The following KDM7A variants were observed in gnomAD, a reference collection of about 807,000 sequenced individuals.
KDM7A encodes the protein lysine demethylase 7A.
In KDM7A, 28 loss-of-function variants were observed where a neutral mutation model predicts 114.8. That is an observed-to-expected ratio of 0.24 (90% CI 0.18 to 0.33). The LOEUF (loss-of-function observed/expected upper bound fraction) is 0.33. Among genes scored for constraint, KDM7A ranks in the 10% least tolerant of loss-of-function variants. The pLI is 1.00. For missense variants in KDM7A, 942 were observed against 1,142.5 expected (o/e 0.82, Z 2.53); for synonymous variants, 423 against 397.8 (o/e 1.06, Z -0.75).
chr7:140,110,084 A>G (rs915579774), intron 11 of KDM7A, among the ~76,000 whole-genome samples: 10 of 152,110 alleles, frequency 6.6e-5, no homozygotes, highest in Non-Finnish European at 1.5e-4. Context: ...TTACTCTTCC[A>G]AGTGTATTTT....
chr7:140,153,502 A>G (rs1226762507), intron 1 of KDM7A, among the ~76,000 whole-genome samples: 1 of 152,036 alleles, frequency 6.6e-6, no homozygotes, highest in African/African-American at 2.4e-5. Flanking sequence ...AAAAAAAAAA[A>G]AAAGTAATCA....
chr7:140,150,035 G>A (rs1794382310), intron 1 of KDM7A, among the ~76,000 whole-genome samples: 1 of 152,086 alleles, frequency 6.6e-6, no homozygotes, highest in African/African-American at 2.4e-5. Flanking sequence ...CAAGTTTTAT[G>A]GTGTAATTTA....
rs1448163228 is a variant in KDM7A at position 140,124,781 on chromosome 7, A to G, written c.891T>C (p.Gly297=). The part of the protein sequence containing the change: ...GTSVWYHVLW[G]EKIFYLIKPT... ...GCTTTATTAAATAAAAAATCTTCTC[A>G]CCCTAAAAGGAAGTATCATACTATT... The change falls in exon 7 of 20, where the codon GGT becomes GGC. Residue 297 remains glycine, a splice_region_variant and synonymous_variant. Coordinates refer to ENST00000397560, the MANE Select transcript of KDM7A (RefSeq NM_030647.2). The G allele has an allele frequency of 6.3e-7, 1 of 1,596,896 alleles. No individual in the cohort carries two copies. Among genetic ancestry groups the G allele is most frequent in the African/African-American group, 1.3e-5 (1 of 74,248 alleles).
rs34994852 is a variant in KDM7A, at chr7:140,140,343, G to A, written c.195-1153C>T. On this transcript the variant is annotated intron_variant, in intron 1 of 19. Transcript: ENST00000397560. ...TTAAAAAGATTCAGGACAAGTATTT[G>A]ATAAAATTCAACATTTATGTTTGAT... 6.8e-3 allele frequency among the ~76,000 whole-genome samples: 1,040 copies of A among 152,262 alleles called. 4 individuals are homozygous for A. Among genetic ancestry groups the A allele is most frequent in the Non-Finnish European group, 0.011 (725 of 68,004 alleles).
chr7:140,119,243 TA>T (rs1297709743), intron 8 of KDM7A, 24 bp from the exon 9 acceptor site: 2 of 1,265,002 alleles, frequency 1.6e-6, no homozygotes, highest in East Asian at 4.7e-5. Flanking sequence ...AAGAAATTTT[TA>T]ATATTAATAT....
rs746091007 is a variant in KDM7A at position 140,092,017 on chromosome 7, C to T, written c.2518G>A (p.Val840Ile). 1 of 1,614,042 alleles carries T rather than the reference C, an allele frequency of 6.2e-7. No homozygotes were observed. Among genetic ancestry groups the T allele is most frequent in the Admixed American group, 1.7e-5 (1 of 60,020 alleles). ...KEGSSEISQRVQSRNYVDSSG... is the reference protein window; with the variant it reads ...KEGSSEISQRIQSRNYVDSSG... Reference sequence around the variant, plus strand: ...CTGTCCACATAATTCCTACTTTGTACCCTCTGACTAATTTCTGATGAACCT... The same window carrying T: ...CTGTCCACATAATTCCTACTTTGTATCCTCTGACTAATTTCTGATGAACCT... The change falls in exon 19 of 20, where the codon GTA (valine) becomes ATA (isoleucine). Residue 840 changes from valine (V) to isoleucine (I), a missense_variant. Val to Ile is a conservative substitution (Grantham distance 29). Coordinates refer to ENST00000397560, the MANE Select transcript of KDM7A (RefSeq NM_030647.2).
intron 12 of KDM7A, 99 bp from the exon 13 acceptor site, chr7:140,100,122 A>C: frequency 7.7e-7 from 1 of 1,304,736 alleles, no homozygotes; most frequent in Non-Finnish European, 1.1e-6. Flanking sequence ...ATGGTCCTGC[A>C]TCTCAAAGAT....
At chr7:140,099,130 T>C (rs1156956082) in intron 13 of KDM7A, 97 bp from the exon 14 acceptor site, 2 of 901,206 alleles carry the variant, frequency 2.2e-6, no homozygotes, top group African/African-American at 1.7e-5. Context: ...GAGTAGAGAA[T>C]TGAGACACTG....
At chr7:140,154,647 T>C (rs777864865) in intron 1 of KDM7A, among the ~76,000 whole-genome samples, 17 of 152,090 alleles carry the variant, frequency 1.1e-4, no homozygotes, top group Non-Finnish European at 2.1e-4. Flanking sequence ...TACTTCTCAG[T>C]GAATTTAACA....
chr7:140,096,580 A>G lies in KDM7A; in HGVS notation c.2349T>C (p.Tyr783=). Reference sequence around the variant, plus strand: ...CACATTCCACTGGTTTATCATAGCGATACAACTGCCTAACCTCATGGTTAC... The same window carrying G: ...CACATTCCACTGGTTTATCATAGCGGTACAACTGCCTAACCTCATGGTTAC... The part of the protein sequence containing the change: ...HGSNHEVRQL[Y]RYDKPVECGY... Residue 783 remains tyrosine (Y), a synonymous_variant, in exon 17 of 20, where the codon TAT becomes TAC. Transcript: ENST00000397560. The G allele has an allele frequency of 6.2e-7, 1 of 1,614,162 alleles. No individual in the cohort carries two copies. Among genetic ancestry groups the G allele is most frequent in the South Asian group, 1.1e-5 (1 of 91,088 alleles).
chr7:140,092,562 C>T (rs907068731), intron 18 of KDM7A, among the ~76,000 whole-genome samples: 14 of 152,170 alleles, frequency 9.2e-5, no homozygotes, highest in Non-Finnish European at 1.5e-4. Context: ...TTCACTACAA[C>T]TACTCTTTCA....
chr7:140,129,369 G>A (rs1818752557), intron 4 of KDM7A, 124 bp downstream of exon 4: 1 of 777,412 alleles, frequency 1.3e-6, no homozygotes, highest in South Asian at 1.6e-5. Flanking sequence ...AGATGATACT[G>A]AGCCTCACTT....
At chr7:140,141,821 G>A (rs1416198324) in intron 1 of KDM7A, among the ~76,000 whole-genome samples, 3 of 151,376 alleles carry the variant, frequency 2.0e-5, no homozygotes, top group African/African-American at 7.3e-5. Context: ...TTGAACCCAG[G>A]ACGTGGAGGT....
rs1817945922 is a variant in KDM7A at position 140,087,444 on chromosome 7, C to T, written c.*3650G>A. On this transcript the variant is annotated 3_prime_UTR_variant, in exon 20 of 20. Transcript: ENST00000397560. ...GAGATTCCTCGGATTTTTAAAGTAG[C>T]ATGCCCTGGGCATATATTTGATATA... 1 of 152,162 alleles carries T rather than the reference C, an allele frequency of 6.6e-6. No individual in the cohort carries two copies. Among genetic ancestry groups the T allele is most frequent in the East Asian group, 1.9e-4 (1 of 5,200 alleles). The allele number at this position is 152,162 out of a possible 1,614,324, so 9.4% of individuals were successfully genotyped here.
At chr7:140,116,255 AGTGTGT>A (rs10675737) in intron 9 of KDM7A, among the ~76,000 whole-genome samples, 1 of 151,144 alleles carries the variant, frequency 6.6e-6, no homozygotes, top group African/African-American at 2.4e-5. Context: ...TTGCAGAATC[AGTGTGT>A]GTGTGTGTGT....
Position 140,099,977 on chromosome 7 carries a change from T to A in KDM7A, c.1685A>T (p.Gln562Leu). Residue 562 changes from glutamine to leucine, a missense_variant, in exon 13 of 20, where the codon CAA (glutamine) becomes CTA (leucine). Transcript: ENST00000397560. ...CCATTCAGGTACTGTGGAGGATGGT[T>A]GGAGATGTTTGTTGAATTTTCCATT... ...KLNGKFNKHL[Q>L]PSSTVPEWRA... The A allele has an allele frequency of 6.2e-7, 1 of 1,613,592 alleles. No individual in the cohort carries two copies. The highest frequency in any genetic ancestry group is 1.6e-4 in the Middle Eastern group (1 of 6,062).
chr7:140,148,503 CTG>C, intron 1 of KDM7A, among the ~76,000 whole-genome samples: 1 of 152,094 alleles, frequency 6.6e-6, no homozygotes, highest in East Asian at 1.9e-4. Flanking sequence ...TAGAATGAAA[CTG>C]TAGAACAATG....
chr7:140,148,110 G>A (rs1056074246), intron 1 of KDM7A, among the ~76,000 whole-genome samples: 2 of 151,862 alleles, frequency 1.3e-5, no homozygotes, highest in African/African-American at 2.4e-5. Flanking sequence ...TATTAGCTAC[G>A]AGGTTTGAGC....
chr7:140,133,440 G>A (rs867691155), intron 3 of KDM7A, 99 bp downstream of exon 3: 1 of 673,146 alleles, frequency 1.5e-6, no homozygotes, highest in Middle Eastern at 3.4e-4. Context: ...ATAATGGGTT[G>A]CAGCCTAAGT....
Sources: gnomAD v4.1 joint callset for allele counts (sites outside exome capture counted in the v4.1 genomes callset) on GRCh38, gnomAD v4.1.1 for gene constraint, MANE v1.5 for transcripts, NCBI Gene and HGNC (gene_info 2026-07-23, HGNC 2026-07-21) for gene names.